POLK: variants seen among roughly 807,000 people sequenced by gnomAD.
POLK encodes the protein DNA polymerase kappa, also known as polymerase (DNA directed) kappa.
Under a neutral mutation model 94.0 loss-of-function variants are expected in POLK, and 76 were observed. The ratio of observed to expected loss-of-function variants is 0.81; its 90% CI spans 0.67 to 0.98. The LOEUF is 0.98. Ranked by LOEUF, POLK falls within the 50% of genes least tolerant of loss-of-function variation. The pLI, the probability that POLK is intolerant of heterozygous loss-of-function variation, is 0.00. For missense variants in POLK, 954 were observed against 1,010.1 expected (o/e 0.94, Z 0.75); for synonymous variants, 349 against 325.4 (o/e 1.07, Z -0.78).
chr5:75,565,866 T>G (rs13361353), intron 3 of POLK, among the ~76,000 whole-genome samples: 21,970 of 152,220 alleles, frequency 0.14, 1,698 homozygotes, highest in East Asian at 0.23. Flanking sequence ...GAGGAGGCAG[T>G]CTGTTCCTTA....
At chr5:75,575,362 G>T (rs183269359) in intron 5 of POLK, among the ~76,000 whole-genome samples, 2 of 152,166 alleles carry the variant, frequency 1.3e-5, no homozygotes, top group African/African-American at 4.8e-5. Flanking sequence ...AAATTTTTTT[G>T]CAGAGATAGG....
intron 1 of POLK, among the ~76,000 whole-genome samples, chr5:75,528,953 C>T (rs567743691): frequency 1.3e-5 from 2 of 152,296 alleles, no homozygotes; most frequent in East Asian, 1.9e-4. Context: ...CCAAAATCCA[C>T]GATTGCTCAA....
chr5:75,558,908 C>T (rs1009568266), intron 3 of POLK, among the ~76,000 whole-genome samples: 2 of 152,094 alleles, frequency 1.3e-5, no homozygotes, highest in Admixed American at 1.3e-4. Flanking sequence ...AAGCTCATAT[C>T]CTTAAATATA....
intron 3 of POLK, among the ~76,000 whole-genome samples, chr5:75,566,622 G>A (rs1581036903): frequency 6.6e-6 from 1 of 152,268 alleles, no homozygotes; most frequent in Admixed American, 6.5e-5. Flanking sequence ...GCTAGGGGAG[G>A]GAGTTCCCAG....
chr5:75,606,904 A>G, the POLK span, among the ~76,000 whole-genome samples: 847 of 152,256 alleles, frequency 5.6e-3, 6 homozygotes, highest in African/African-American at 0.02. Flanking sequence ...ATTCACACAA[A>G]TGGTATCATC....
At chr5:75,556,612 C>G (rs538178078) in intron 3 of POLK, among the ~76,000 whole-genome samples, 2 of 151,982 alleles carry the variant, frequency 1.3e-5, no homozygotes, top group African/African-American at 4.8e-5. Flanking sequence ...TAGATTTTCT[C>G]TTATGTTATC....
At chr5:75,514,900 A>T (rs1768250426) in intron 1 of POLK, among the ~76,000 whole-genome samples, 1 of 152,090 alleles carries the variant, frequency 6.6e-6, no homozygotes, top group Non-Finnish European at 1.5e-5. Context: ...ATTATCCCAA[A>T]TTTTTTAAAT....
At chr5:75,535,821 A>G (rs982083154) in intron 1 of POLK, among the ~76,000 whole-genome samples, 4 of 152,156 alleles carry the variant, frequency 2.6e-5, no homozygotes, top group Non-Finnish European at 4.4e-5. Flanking sequence ...GTTCTTTCAT[A>G]TAATGGCCAT....
chr5:75,589,380 TAC>T (rs1156672391), intron 10 of POLK, among the ~76,000 whole-genome samples: 5 of 67,752 alleles, frequency 7.4e-5, no homozygotes, highest in Admixed American at 1.8e-4. Flanking sequence ...TTTATATATA[TAC>T]ACACATACAC....
intron 1 of POLK, among the ~76,000 whole-genome samples, chr5:75,526,812 C>T (rs1768884873): frequency 6.6e-6 from 1 of 152,072 alleles, no homozygotes; most frequent in African/African-American, 2.4e-5. Context: ...AACTCCTGGC[C>T]TCAAGTAATC....
chr5:75,573,134 C>T (rs1291922385), intron 4 of POLK, among the ~76,000 whole-genome samples: 4 of 151,994 alleles, frequency 2.6e-5, no homozygotes, highest in African/African-American at 4.8e-5. Context: ...CAATGATAGA[C>T]TGGATTAAGA....
At chr5:75,605,864 G>T (rs1227095516), downstream of POLK, among the ~76,000 whole-genome samples, 1 of 151,830 alleles carries the variant, frequency 6.6e-6, no homozygotes, top group African/African-American at 2.4e-5. Flanking sequence ...CACACCTGTG[G>T]GTGTTTCTCG....
intron 4 of POLK, 39 bp from the exon 5 acceptor site, chr5:75,573,699 G>T (rs762108362): frequency 1.2e-5 from 19 of 1,556,924 alleles, no homozygotes; most frequent in Non-Finnish European, 1.6e-5. Context: ...GTCCATTTAG[G>T]TTTGTGTATT....
At chr5:75,593,240 T>C (rs1772883688) in intron 11 of POLK, among the ~76,000 whole-genome samples, 2 of 151,920 alleles carry the variant, frequency 1.3e-5, no homozygotes, top group South Asian at 4.2e-4. Flanking sequence ...CAATCTATTC[T>C]CCTGCCTCAG....
At chr5:75,559,509 T>TC (rs1561371223) in intron 3 of POLK, among the ~76,000 whole-genome samples, 5 of 142,520 alleles carry the variant, frequency 3.5e-5, no homozygotes, top group Admixed American at 7.1e-5. Flanking sequence ...GGGTTTGTTT[T>TC]TTTGTTTTGT....
At chr5:75,563,507 C>T (rs536340402) in intron 3 of POLK, among the ~76,000 whole-genome samples, 8 of 152,188 alleles carry the variant, frequency 5.3e-5, no homozygotes, top group East Asian at 1.9e-4. Flanking sequence ...GATTTTAGAT[C>T]GTTCCTGCTT....
chr5:75,520,900 A>G (rs902268946), intron 1 of POLK, among the ~76,000 whole-genome samples: 1 of 152,136 alleles, frequency 6.6e-6, no homozygotes, highest in South Asian at 2.1e-4. Context: ...ATATTCTTCA[A>G]TGGCAGTTGT....
chr5:75,576,808 C>A, exon 6 of POLK: 2 of 1,512,292 alleles, frequency 1.3e-6, no homozygotes, highest in Non-Finnish European at 8.8e-7. Flanking sequence ...GATTATGATC[C>A]CAATTTTATG....
chr5:75,511,598 C>G (rs1274110451), upstream of POLK: 1 of 1,466,606 alleles, frequency 6.8e-7, no homozygotes, highest in Non-Finnish European at 9.0e-7. Flanking sequence ...ACCTCCGCTA[C>G]CGCCGCCATC....
Sources: allele counts gnomAD v4.1 joint callset (sites outside exome capture counted in the v4.1 genomes callset), GRCh38; gene constraint gnomAD v4.1.1; transcripts MANE v1.5; gene names NCBI Gene and HGNC (gene_info 2026-07-23, HGNC 2026-07-21).